The following C5orf24 variants were observed in gnomAD, a reference collection of about 807,000 sequenced individuals.
The protein encoded by C5orf24 is chromosome 5 open reading frame 24, also known as UPF0461 protein C5orf24.
A neutral mutation model predicts 9.8 loss-of-function variants in C5orf24; 4 were observed. The ratio of observed to expected loss-of-function variants is 0.41; its 90% CI spans 0.20 to 0.93. The LOEUF (loss-of-function observed/expected upper bound fraction) is 0.93. C5orf24 is among the 40% of genes least tolerant of loss of function. C5orf24 has a pLI of 0.33. For missense variants in C5orf24, 170 were observed against 236.9 expected (o/e 0.72, Z 1.85); for synonymous variants, 73 against 81.3 (o/e 0.90, Z 0.55).
intron 1 of C5orf24, among the ~76,000 whole-genome samples, chr5:134,850,532 T>C (rs1280281068): frequency 1.3e-5 from 2 of 151,276 alleles, no homozygotes; most frequent in Admixed American, 6.6e-5. Context: ...GAGTGCAATG[T>C]TGCGATCTTG....
Position 134,855,730 on chromosome 5 carries a change from A to T in C5orf24, c.*263A>T. The T allele has an allele frequency of 7.5e-7, 1 of 1,333,920 alleles. No homozygotes were observed. Among genetic ancestry groups the T allele is most frequent in the Non-Finnish European group, 9.6e-7 (1 of 1,036,466 alleles). 82.6% of individuals were successfully genotyped at this position (1,333,920 alleles called of 1,614,324 possible). ...TTCCTTTTCCTTTAGAGTTATGGTC[A>T]TGTCTCATGTTTCATTACTACTTTG... On this transcript the variant is annotated 3_prime_UTR_variant, in exon 2 of 2. Coordinates refer to ENST00000394976, the MANE Select transcript of C5orf24 (RefSeq NM_001135586.1).
In C5orf24 at chr5:134,857,974, TCTA is replaced by T. The variant is rs1335283356; in HGVS notation, c.*2510_*2512del. On this transcript the variant is annotated 3_prime_UTR_variant, in exon 2 of 2. Transcript: ENST00000394976. ...TCCTCTTCCTCTACCCTCCAGCACA[TCTA>T]CTTACTGGTGCTGTGCTGTGTGTCA... The T allele has an allele frequency of 1.2e-5, 2 of 167,082 alleles. No homozygotes were observed. Among genetic ancestry groups the T allele is most frequent in the African/African-American group, 4.8e-5 (2 of 41,456 alleles). 10.3% of individuals were successfully genotyped at this position (167,082 alleles called of 1,614,324 possible).
the C5orf24 span, chr5:134,833,702 T>G: frequency 6.6e-6 from 1 of 152,226 alleles, no homozygotes; most frequent in African/African-American, 2.4e-5. Flanking sequence ...ATTATTTTTC[T>G]CAGGCAGGGG....
the C5orf24 span, among the ~76,000 whole-genome samples, chr5:134,839,898 G>A: frequency 1.3e-5 from 2 of 152,012 alleles, no homozygotes; most frequent in African/African-American, 4.8e-5. Context: ...GTTTCACCAT[G>A]TTGGTCAAGC....
the C5orf24 span, among the ~76,000 whole-genome samples, chr5:134,838,883 A>T: frequency 6.0e-4 from 92 of 152,160 alleles, 2 homozygotes; most frequent in African/African-American, 2.1e-3. Context: ...ACAGTACATT[A>T]TGTATGTATT....
chr5:134,844,743 G>C (rs1039080542), upstream of C5orf24, among the ~76,000 whole-genome samples: 3 of 151,614 alleles, frequency 2.0e-5, no homozygotes, highest in Admixed American at 1.3e-4. Context: ...TGTTGTTGTT[G>C]TTGTTTGTTT....
the C5orf24 span, among the ~76,000 whole-genome samples, chr5:134,839,265 C>T: frequency 1.3e-5 from 2 of 151,562 alleles, no homozygotes; most frequent in African/African-American, 2.4e-5. Context: ...ATTCTTGTTG[C>T]ACTTAACACC....
chr5:134,849,684 G>A (rs893387479), intron 1 of C5orf24, among the ~76,000 whole-genome samples: 3 of 118,576 alleles, frequency 2.5e-5, no homozygotes, highest in African/African-American at 9.6e-5. Context: ...TAAAGAGAGA[G>A]TCTCACTCTG....
In C5orf24 at chr5:134,857,652, A is replaced by T. The variant is rs528617744; in HGVS notation, c.*2185A>T. The T allele has an allele frequency of 7.0e-5, 26 of 371,566 alleles. No homozygotes were observed. Among genetic ancestry groups the T allele is most frequent in the Admixed American group, 1.4e-4 (3 of 21,448 alleles). The allele number at this position is 371,566 out of a possible 1,614,324, so 23.0% of individuals were successfully genotyped here. On this transcript the variant is annotated 3_prime_UTR_variant, in exon 2 of 2. Transcript: ENST00000394976. ...CTCAGAACAGTATAACTTCTGACACACACAAATGCTTGCCTCTTTATTCAT... is the reference window on the plus strand; with the variant it reads ...CTCAGAACAGTATAACTTCTGACACTCACAAATGCTTGCCTCTTTATTCAT...
At position 134,858,727 on chromosome 5, in the gene C5orf24, A is replaced by G. The variant is rs1756374597; in HGVS notation, c.*3260A>G. On this transcript the variant is annotated 3_prime_UTR_variant, in exon 2 of 2. Coordinates refer to ENST00000394976, the MANE Select transcript of C5orf24 (RefSeq NM_001135586.1). Reference sequence around the variant, plus strand: ...CATTTTTTGACAGATATAACCTTGCATAAGTAGTATTTAGGGTGATTTTGA... The same window carrying G: ...CATTTTTTGACAGATATAACCTTGCGTAAGTAGTATTTAGGGTGATTTTGA... 6.0e-6 allele frequency: 1 copy of G among 166,994 alleles called. No individual in the cohort carries two copies. The highest frequency in any genetic ancestry group is 1.5e-5 in the Non-Finnish European group (1 of 68,086). 10.3% of individuals were successfully genotyped at this position (166,994 alleles called of 1,614,324 possible). A position where few individuals can be genotyped will look rare whatever the true frequency, so the allele number is the denominator to read the frequency against.
At chr5:134,849,883 C>T (rs1474970790) in intron 1 of C5orf24, among the ~76,000 whole-genome samples, 2 of 151,816 alleles carry the variant, frequency 1.3e-5, no homozygotes, top group African/African-American at 4.8e-5. Context: ...GTCTCGAACT[C>T]CTGACCTCAA....
chr5:134,847,022 A>G (rs901166126), intron 1 of C5orf24, among the ~76,000 whole-genome samples: 1 of 152,202 alleles, frequency 6.6e-6, no homozygotes, highest in African/African-American at 2.4e-5. Context: ...ATGTTTAGAA[A>G]GCTTCAGGGA....
upstream of C5orf24, chr5:134,845,966 C>CT (rs139703479): frequency 2.0e-3 from 308 of 152,412 alleles, 1 homozygote; most frequent in African/African-American, 6.9e-3. Context: ...CACGCCGCCT[C>CT]TAACACTACA....
chr5:134,857,772 GT>G lies in C5orf24; in HGVS notation c.*2308del, dbSNP rs1351858436. On this transcript the variant is annotated 3_prime_UTR_variant, in exon 2 of 2. Coordinates refer to ENST00000394976, the MANE Select transcript of C5orf24 (RefSeq NM_001135586.1). ...CTGCTTAGAAATCTTTTTCAAGCCA[GT>G]TTCTAAAGACATTTGTTTAATGTTC... is the stretch of plus-strand genomic sequence containing the variant. 5.2e-6 allele frequency: 1 copy of G among 190,556 alleles called. No homozygotes were observed. The highest frequency in any genetic ancestry group is 1.2e-5 in the Non-Finnish European group (1 of 84,604). 11.8% of individuals were successfully genotyped at this position (190,556 alleles called of 1,614,324 possible).
the C5orf24 span, among the ~76,000 whole-genome samples, chr5:134,835,124 C>G: frequency 6.6e-6 from 1 of 151,372 alleles, no homozygotes; most frequent in Admixed American, 6.6e-5. Flanking sequence ...GAGAACTGCT[C>G]GAGCCCAGGA....
chr5:134,846,425 C>T (rs1381580347), intron 1 of C5orf24: 2 of 152,398 alleles, frequency 1.3e-5, no homozygotes, highest in Admixed American at 6.5e-5. Context: ...AGGGAGCCCC[C>T]TTTCTTTTCT....
chr5:134,839,175 C>A, the C5orf24 span, among the ~76,000 whole-genome samples: 1 of 150,818 alleles, frequency 6.6e-6, no homozygotes, highest in East Asian at 2.0e-4. Context: ...GCATTCCAGC[C>A]TGGCAACAGA....
chr5:134,835,976 C>T, the C5orf24 span, among the ~76,000 whole-genome samples: 5 of 151,834 alleles, frequency 3.3e-5, no homozygotes, highest in East Asian at 1.9e-4. Flanking sequence ...CATGAGCCAC[C>T]GCACCTGGAT....
intron 1 of C5orf24, among the ~76,000 whole-genome samples, chr5:134,847,703 C>A: frequency 7.2e-6 from 1 of 138,776 alleles, no homozygotes. Flanking sequence ...AGTATTCATC[C>A]TATTTTTTTT....
Sources: gnomAD v4.1 joint callset for allele counts (sites outside exome capture counted in the v4.1 genomes callset) on GRCh38, gnomAD v4.1.1 for gene constraint, MANE v1.5 for transcripts, NCBI Gene and HGNC (gene_info 2026-07-23, HGNC 2026-07-21) for gene names.